The following ARB2A variants were observed in gnomAD, a reference collection of about 807,000 sequenced individuals.
The protein encoded by ARB2A is cotranscriptional regulator ARB2A.
At chr5:93,744,424 G>A in the ARB2A span, among the ~76,000 whole-genome samples, 1 of 79,544 alleles carries the variant, frequency 1.3e-5, no homozygotes, top group South Asian at 4.1e-4. Flanking sequence ...GACAGAGTGA[G>A]ACTCAGTCTC....
At chr5:94,054,742 T>C in the ARB2A span, among the ~76,000 whole-genome samples, 2 of 152,236 alleles carry the variant, frequency 1.3e-5, no homozygotes, top group East Asian at 3.8e-4. Flanking sequence ...AATATATTAT[T>C]GGAATTATTC....
At chr5:93,774,493 A>G in the ARB2A span, among the ~76,000 whole-genome samples, 25,450 of 152,204 alleles carry the variant, frequency 0.17, 2,625 homozygotes, top group Admixed American at 0.28. Context: ...ATGGTGAAAA[A>G]TTTGAGTCAT....
At chr5:93,639,341 T>A in the ARB2A span, among the ~76,000 whole-genome samples, 1 of 152,194 alleles carries the variant, frequency 6.6e-6, no homozygotes, top group Non-Finnish European at 1.5e-5. Context: ...ATAGACAATT[T>A]TTTGTTACAT....
the ARB2A span, among the ~76,000 whole-genome samples, chr5:93,651,390 C>A: frequency 6.6e-6 from 1 of 152,160 alleles, no homozygotes; most frequent in Non-Finnish European, 1.5e-5. Context: ...TCAGCCACTG[C>A]CTCCCAAAGT....
the ARB2A span, among the ~76,000 whole-genome samples, chr5:94,002,593 G>C: frequency 6.6e-6 from 1 of 151,830 alleles, no homozygotes; most frequent in African/African-American, 2.4e-5. Flanking sequence ...CTTCTCTTAC[G>C]AATCTAAAAA....
At chr5:93,724,519 G>C in the ARB2A span, among the ~76,000 whole-genome samples, 1 of 151,962 alleles carries the variant, frequency 6.6e-6, no homozygotes, top group South Asian at 2.1e-4. Context: ...ATTGCAAGAT[G>C]TATTCAAACT....
At chr5:93,783,268 A>G in the ARB2A span, among the ~76,000 whole-genome samples, 3 of 152,134 alleles carry the variant, frequency 2.0e-5, no homozygotes, top group African/African-American at 7.2e-5. Flanking sequence ...TCAAACACCT[A>G]CATGTTAGAA....
chr5:93,663,474 G>A, the ARB2A span, among the ~76,000 whole-genome samples: 1 of 152,148 alleles, frequency 6.6e-6, no homozygotes, highest in Non-Finnish European at 1.5e-5. Context: ...AAATTGGGAG[G>A]AAATGAGGAA....
At chr5:94,096,474 G>C in the ARB2A span, among the ~76,000 whole-genome samples, 1 of 152,098 alleles carries the variant, frequency 6.6e-6, no homozygotes, top group African/African-American at 2.4e-5. Context: ...GATTGGCAGG[G>C]AATAGGAATA....
the ARB2A span, among the ~76,000 whole-genome samples, chr5:93,759,874 A>T: frequency 1.3e-5 from 2 of 152,196 alleles, no homozygotes; most frequent in Non-Finnish European, 2.9e-5. Context: ...CCTCTTCAAC[A>T]TACACTGGAA....
chr5:93,828,674 C>G, the ARB2A span, among the ~76,000 whole-genome samples: 2 of 152,178 alleles, frequency 1.3e-5, no homozygotes, highest in Admixed American at 6.6e-5. Context: ...GTGAGAATAA[C>G]CTGTCAAGAA....
the ARB2A span, among the ~76,000 whole-genome samples, chr5:93,873,784 A>C: frequency 6.6e-6 from 1 of 152,182 alleles, no homozygotes; most frequent in Non-Finnish European, 1.5e-5. Context: ...TAGAGTTAAC[A>C]TTCTTAGTTT....
the ARB2A span, among the ~76,000 whole-genome samples, chr5:93,636,041 A>T: frequency 1.3e-5 from 2 of 152,246 alleles, no homozygotes. Flanking sequence ...GGGAGCCTAC[A>T]GAAGATAATG....
chr5:93,851,344 G>A, the ARB2A span, among the ~76,000 whole-genome samples: 4 of 152,132 alleles, frequency 2.6e-5, no homozygotes, highest in Non-Finnish European at 5.9e-5. Context: ...GGTATGATAT[G>A]ACTTATCCAT....
chr5:94,037,135 G>A, the ARB2A span, among the ~76,000 whole-genome samples: 2 of 152,046 alleles, frequency 1.3e-5, no homozygotes, highest in Non-Finnish European at 2.9e-5. Flanking sequence ...GTTGGTCTGT[G>A]GGTCTGTTCA....
chr5:93,752,807 T>C, the ARB2A span, among the ~76,000 whole-genome samples: 13 of 152,318 alleles, frequency 8.5e-5, no homozygotes, highest in African/African-American at 2.9e-4. Context: ...TTATGAATGA[T>C]AAACTGAAAA....
chr5:93,763,357 C>T, the ARB2A span, among the ~76,000 whole-genome samples: 1 of 151,998 alleles, frequency 6.6e-6, no homozygotes, highest in Non-Finnish European at 1.5e-5. Flanking sequence ...GGAAGATCTA[C>T]CAAGCAAATG....
At chr5:93,735,183 T>A in the ARB2A span, 3 of 152,256 alleles carry the variant, frequency 2.0e-5, no homozygotes, top group Non-Finnish European at 4.4e-5. Flanking sequence ...TAAGGGATCT[T>A]CTGATTAAAG....
At chr5:93,940,641 G>C in the ARB2A span, among the ~76,000 whole-genome samples, 4 of 151,880 alleles carry the variant, frequency 2.6e-5, no homozygotes, top group Non-Finnish European at 5.9e-5. Flanking sequence ...AGCATACTGA[G>C]CAATTCCTAT....
Sources: allele counts gnomAD v4.1 joint callset (sites outside exome capture counted in the v4.1 genomes callset), GRCh38; gene constraint gnomAD v4.1.1; transcripts MANE v1.5; gene names NCBI Gene and HGNC (gene_info 2026-07-23, HGNC 2026-07-21).